Variants in SBF2 observed in about 807,000 individuals in gnomAD.
The protein encoded by SBF2 is myotubularin-related protein 13.
Under a neutral mutation model 225.2 loss-of-function variants are expected in SBF2, and 112 were observed. The observed-to-expected ratio is 0.50, with a 90% CI of 0.43 to 0.58. The LOEUF is 0.58. Among genes scored for constraint, SBF2 ranks in the 20% least tolerant of loss-of-function variants. SBF2 has a pLI of 0.00. For synonymous variants in SBF2, 763 were observed against 773.3 expected (o/e 0.99, Z 0.22); for missense variants, 1,996 against 2,206.2 (o/e 0.90, Z 1.91).
At chr11:10,293,950 GGA>G in intron 1 of SBF2, 63 bp downstream of exon 1, 9 of 1,052,896 alleles carry the variant, frequency 8.5e-6, no homozygotes, top group Non-Finnish European at 1.1e-5. Context: ...CCGGCCCCGC[GGA>G]GCCCACTGGA....
chr11:9,938,092 C>T lies in SBF2; in HGVS notation c.1860+23865G>A, dbSNP rs1347766202. On this transcript the variant is annotated intron_variant, in intron 16 of 39. Transcript: ENST00000256190. Reference sequence around the variant, plus strand: ...GGATCACGCGGTCAGGAGATCGAGACCATCCTGGTTAACACAGTGAAACCC... The same window carrying T: ...GGATCACGCGGTCAGGAGATCGAGATCATCCTGGTTAACACAGTGAAACCC... Among the ~76,000 whole-genome samples the T allele has an allele frequency of 2.0e-5, 3 of 152,024 alleles. No homozygotes were observed. In the East Asian group the frequency reaches 5.8e-4, roughly 29 times the overall value.
At chr11:10,148,134 T>C (rs930893929) in intron 2 of SBF2, among the ~76,000 whole-genome samples, 6 of 152,128 alleles carry the variant, frequency 3.9e-5, no homozygotes, top group Non-Finnish European at 7.4e-5. Flanking sequence ...AATACGAAGT[T>C]TACTGCTATA....
At chr11:10,112,872 A>T (rs931241283) in intron 2 of SBF2, among the ~76,000 whole-genome samples, 6 of 152,236 alleles carry the variant, frequency 3.9e-5, no homozygotes, top group African/African-American at 1.2e-4. Flanking sequence ...TGCATTACAT[A>T]TGTGTACTTA....
At chr11:9,794,810 T>C (rs1279019336) in intron 33 of SBF2, among the ~76,000 whole-genome samples, 2 of 144,486 alleles carry the variant, frequency 1.4e-5, no homozygotes, top group African/African-American at 2.6e-5. Flanking sequence ...ATGTGAAGAA[T>C]AACAATTCCA....
upstream of SBF2, among the ~76,000 whole-genome samples, chr11:10,295,062 C>T (rs891129115): frequency 6.6e-6 from 1 of 152,244 alleles, no homozygotes; most frequent in African/African-American, 2.4e-5. Flanking sequence ...GCTGGTGTGA[C>T]ATTCAGGTGA....
chr11:9,942,052 T>G (rs1185461242), intron 16 of SBF2, among the ~76,000 whole-genome samples: 1 of 152,238 alleles, frequency 6.6e-6, no homozygotes, highest in African/African-American at 2.4e-5. Context: ...AAAATATGTA[T>G]GAGACCTTCA....
chr11:9,906,134 T>C (rs781171057), intron 16 of SBF2, among the ~76,000 whole-genome samples: 1 of 152,196 alleles, frequency 6.6e-6, no homozygotes, highest in African/African-American at 2.4e-5. Flanking sequence ...GTCATCTGTG[T>C]CCTAGCACAT....
chr11:10,192,130 A>G (rs1957199297), intron 2 of SBF2, among the ~76,000 whole-genome samples: 1 of 152,214 alleles, frequency 6.6e-6, no homozygotes, highest in Non-Finnish European at 1.5e-5. Context: ...AAAAGCTTTT[A>G]TAGAACAAAT....
intron 24 of SBF2, among the ~76,000 whole-genome samples, chr11:9,845,315 A>T (rs1166350021): frequency 6.6e-6 from 1 of 152,244 alleles, no homozygotes; most frequent in Non-Finnish European, 1.5e-5. Context: ...ATAGAATTTC[A>T]CATTCTAAAA....
chr11:9,815,281 T>TAAAAAA (rs35464212), intron 29 of SBF2, among the ~76,000 whole-genome samples: 6 of 42,804 alleles, frequency 1.4e-4, no homozygotes, highest in African/African-American at 5.3e-4. Flanking sequence ...CTACTAAAAC[T>TAAAAAA]AAAAAAAAAA....
At chr11:9,987,194 T>A (rs1360536900) in intron 13 of SBF2, among the ~76,000 whole-genome samples, 1 of 152,168 alleles carries the variant, frequency 6.6e-6, no homozygotes, top group Non-Finnish European at 1.5e-5. Flanking sequence ...TTTCAATAGA[T>A]GCAGACAAAG....
intron 6 of SBF2, among the ~76,000 whole-genome samples, chr11:10,022,798 AGATTG>A (rs1161880826): frequency 6.6e-6 from 1 of 152,194 alleles, no homozygotes; most frequent in Non-Finnish European, 1.5e-5. Flanking sequence ...AGGAACCTCT[AGATTG>A]TTAAAGAACC....
At chr11:9,902,918 A>T (rs759374999) in intron 16 of SBF2, among the ~76,000 whole-genome samples, 4 of 151,924 alleles carry the variant, frequency 2.6e-5, no homozygotes, top group Non-Finnish European at 5.9e-5. Context: ...GTGGGTTGCA[A>T]CTTCCAAACT....
chr11:10,164,581 C>T (rs1025043653), intron 2 of SBF2, among the ~76,000 whole-genome samples: 1 of 152,140 alleles, frequency 6.6e-6, no homozygotes, highest in South Asian at 2.1e-4. Context: ...AGTTCAGTTA[C>T]CAAAATCCTA....
intron 1 of SBF2, among the ~76,000 whole-genome samples, chr11:10,210,389 A>G (rs751143149): frequency 1.3e-5 from 2 of 151,016 alleles, no homozygotes; most frequent in African/African-American, 4.8e-5. Context: ...GGAGGAAGAG[A>G]AGGAGGAAGG....
At chr11:9,955,491 G>C (rs957578416) in intron 16 of SBF2, among the ~76,000 whole-genome samples, 1 of 151,860 alleles carries the variant, frequency 6.6e-6, no homozygotes, top group African/African-American at 2.4e-5. Flanking sequence ...ATATTTAATC[G>C]CTAGCCAAAT....
At chr11:10,105,165 T>C (rs182695014) in intron 2 of SBF2, among the ~76,000 whole-genome samples, 180 of 148,798 alleles carry the variant, frequency 1.2e-3, no homozygotes, top group African/African-American at 3.0e-3. Context: ...GGGCTACAGA[T>C]AGATTAGCGC....
intron 2 of SBF2, among the ~76,000 whole-genome samples, chr11:10,137,595 T>A (rs184140009): frequency 1.7e-4 from 26 of 152,350 alleles, no homozygotes; most frequent in African/African-American, 6.3e-4. Flanking sequence ...TAAGATTTTT[T>A]AAAAATTATA....
intron 2 of SBF2, among the ~76,000 whole-genome samples, chr11:10,117,344 G>T (rs184055761): frequency 6.6e-6 from 1 of 151,450 alleles, no homozygotes; most frequent in Admixed American, 6.6e-5. Context: ...GGGAGGCTGA[G>T]GCAGGAGAAC....
Sources: allele counts gnomAD v4.1 joint callset (sites outside exome capture counted in the v4.1 genomes callset), GRCh38; gene constraint gnomAD v4.1.1; transcripts MANE v1.5; gene names NCBI Gene and HGNC (gene_info 2026-07-23, HGNC 2026-07-21).